Variants in LTBP1 observed in about 807,000 individuals in gnomAD.
LTBP1 encodes latent-transforming growth factor beta-binding protein 1.
A neutral mutation model predicts 207.6 loss-of-function variants in LTBP1; 129 were observed. The observed-to-expected ratio is 0.62, with a 90% confidence interval of 0.54 to 0.72. The LOEUF is 0.72. LTBP1 is among the 30% of genes least tolerant of loss of function. The pLI is 0.00. For missense variants in LTBP1, 2,281 were observed against 2,217.2 expected (o/e 1.03, Z -0.58); for synonymous variants, 963 against 833.7 (o/e 1.16, Z -2.67).
intron 21 of LTBP1, among the ~76,000 whole-genome samples, 188 bp downstream of exon 21, chr2:33,300,761 A>G (rs1248899571): frequency 6.6e-6 from 1 of 152,250 alleles, no homozygotes; most frequent in Non-Finnish European, 1.5e-5. Context: ...GTTAAATTTG[A>G]AAACCTATGG....
At chr2:32,972,056 T>G (rs187337901) in intron 2 of LTBP1, among the ~76,000 whole-genome samples, 1 of 152,234 alleles carries the variant, frequency 6.6e-6, no homozygotes, top group East Asian at 1.9e-4. Context: ...AATGTATCTA[T>G]TTCTTGTAGG....
intron 18 of LTBP1, among the ~76,000 whole-genome samples, chr2:33,279,599 C>T (rs2093517137): frequency 6.6e-6 from 1 of 152,010 alleles, no homozygotes; most frequent in Non-Finnish European, 1.5e-5. Flanking sequence ...GCCCATGAAG[C>T]CAAAGTGAGA....
At chr2:33,242,133 G>C (rs934171083) in intron 9 of LTBP1, among the ~76,000 whole-genome samples, 1 of 152,116 alleles carries the variant, frequency 6.6e-6, no homozygotes, top group Non-Finnish European at 1.5e-5. Flanking sequence ...AAATATGTAC[G>C]TATAGATCAC....
intron 9 of LTBP1, among the ~76,000 whole-genome samples, chr2:33,225,742 C>T (rs536753743): frequency 2.6e-5 from 4 of 152,170 alleles, no homozygotes; most frequent in African/African-American, 9.7e-5. Context: ...TCCCCTCTAC[C>T]CTTCCCAGCC....
chr2:33,014,279 G>C (rs532210786), intron 2 of LTBP1, among the ~76,000 whole-genome samples: 3 of 152,182 alleles, frequency 2.0e-5, no homozygotes, highest in African/African-American at 7.2e-5. Flanking sequence ...TTTCTCTTTA[G>C]GGATTTTGGA....
At chr2:33,062,385 A>C (rs756583957) in intron 3 of LTBP1, among the ~76,000 whole-genome samples, 5 of 152,152 alleles carry the variant, frequency 3.3e-5, no homozygotes, top group Non-Finnish European at 5.9e-5. Flanking sequence ...CAAATTATAA[A>C]GATATTTTCC....
At chr2:33,166,117 CTT>C (rs1304102822) in intron 5 of LTBP1, among the ~76,000 whole-genome samples, 1 of 148,426 alleles carries the variant, frequency 6.7e-6, no homozygotes, top group Non-Finnish European at 1.5e-5. Context: ...AATTATACAA[CTT>C]TATGTTGAGA....
intron 31 of LTBP1, 123 bp downstream of exon 31, chr2:33,365,626 C>A: frequency 1.4e-6 from 1 of 711,150 alleles, no homozygotes; most frequent in Non-Finnish European, 2.2e-6. Context: ...ACTTTCATCC[C>A]GTGTGTGTGT....
intron 7 of LTBP1, among the ~76,000 whole-genome samples, chr2:33,197,465 T>C (rs1489470891): frequency 6.6e-6 from 1 of 152,214 alleles, no homozygotes; most frequent in Non-Finnish European, 1.5e-5. Context: ...GTGGTAGTTA[T>C]CATCTCTGAG....
chr2:33,023,159 G>A (rs150150039), intron 3 of LTBP1, among the ~76,000 whole-genome samples: 96 of 152,274 alleles, frequency 6.3e-4, no homozygotes, highest in Non-Finnish European at 1.0e-3. Context: ...AAACAATTCT[G>A]TGTTGAACTA....
intron 20 of LTBP1, among the ~76,000 whole-genome samples, chr2:33,298,155 A>G (rs1255836168): frequency 6.6e-6 from 1 of 152,242 alleles, no homozygotes; most frequent in Non-Finnish European, 1.5e-5. Context: ...TTGGCTCAGA[A>G]ATGCTATCCC....
At position 33,020,925 on chromosome 2, in the gene LTBP1, A is replaced by G. The variant is rs763239347; in HGVS notation, c.582A>G (p.Pro194=). ...QRCTKPSCVP[P]CQNGGMCLRP... ...TTTCTGCAGCTAGCTGTGTTCCGCC[A>G]TGTCAGAATGGAGGGATGTGTCTCC... Residue 194 remains proline, a synonymous_variant, in exon 3 of 34, where the codon CCA becomes CCG. Coordinates refer to ENST00000404816, the MANE Select transcript of LTBP1 (RefSeq NM_206943.4). 5 of 1,587,368 alleles carry G rather than the reference A, an allele frequency of 3.1e-6. No individual in the cohort carries two copies. Among genetic ancestry groups the G allele is most frequent in the South Asian group, 1.1e-5 (1 of 88,168 alleles).
At chr2:33,050,060 T>A (rs2076647955) in intron 3 of LTBP1, among the ~76,000 whole-genome samples, 1 of 152,032 alleles carries the variant, frequency 6.6e-6, no homozygotes, top group Non-Finnish European at 1.5e-5. Flanking sequence ...CCTAGGTTGG[T>A]CTCGAACTCC....
intron 5 of LTBP1, among the ~76,000 whole-genome samples, chr2:33,176,053 C>T (rs527274607): frequency 6.6e-6 from 1 of 150,782 alleles, no homozygotes; most frequent in Non-Finnish European, 1.5e-5. Context: ...ATACCTAATG[C>T]TAAATGACGA....
intron 31 of LTBP1, among the ~76,000 whole-genome samples, chr2:33,374,076 G>C (rs2095105871): frequency 6.6e-6 from 1 of 152,184 alleles, no homozygotes; most frequent in Admixed American, 6.5e-5. Context: ...TAATGCCCTT[G>C]GAGGTGTGAA....
intron 2 of LTBP1, among the ~76,000 whole-genome samples, chr2:33,015,092 G>C (rs944993313): frequency 4.6e-5 from 7 of 151,670 alleles, no homozygotes; most frequent in Non-Finnish European, 2.9e-5. Flanking sequence ...TATGCCCCTT[G>C]TGATGTTCTC....
chr2:33,179,871 A>C (rs546242999), intron 5 of LTBP1, among the ~76,000 whole-genome samples: 24 of 152,144 alleles, frequency 1.6e-4, no homozygotes, highest in African/African-American at 5.8e-4. Context: ...AACTCTGTCT[A>C]CTTTTACAGA....
At chr2:33,287,769 C>T (rs2148726890) in intron 19 of LTBP1, among the ~76,000 whole-genome samples, 1 of 152,348 alleles carries the variant, frequency 6.6e-6, no homozygotes, top group East Asian at 1.9e-4. Context: ...TTGTCAGCAG[C>T]TCTGCTGCTA....
At chr2:33,390,746 C>T (rs2095308286) in intron 32 of LTBP1, among the ~76,000 whole-genome samples, 2 of 152,152 alleles carry the variant, frequency 1.3e-5, no homozygotes, top group Admixed American at 1.3e-4. Context: ...TCCGCCTCGG[C>T]CTCCCAAAGT....
Sources: gnomAD v4.1 joint callset for allele counts (sites outside exome capture counted in the v4.1 genomes callset) on GRCh38, gnomAD v4.1.1 for gene constraint, MANE v1.5 for transcripts, NCBI Gene and HGNC (gene_info 2026-07-23, HGNC 2026-07-21) for gene names.